The following RBFOX1 variants were observed in gnomAD, a reference collection of about 807,000 sequenced individuals.
RBFOX1 encodes the protein RNA binding fox-1 homolog 1.
In RBFOX1, 8 loss-of-function variants were observed where a neutral mutation model predicts 57.7. The observed-to-expected ratio is 0.14, with a 90% CI of 0.08 to 0.25. RBFOX1 has a LOEUF of 0.25. Among genes scored for constraint, RBFOX1 ranks in the 10% least tolerant of loss-of-function variants. The pLI, the probability that RBFOX1 is intolerant of heterozygous loss-of-function variation, is 1.00. For synonymous variants in RBFOX1, 326 were observed against 222.4 expected (o/e 1.47, Z -4.15); for missense variants, 611 against 548.5 (o/e 1.11, Z -1.14).
chr16:5,655,963 G>T (rs990327164), intron 3 of RBFOX1, among the ~76,000 whole-genome samples: 1 of 152,204 alleles, frequency 6.6e-6, no homozygotes, highest in Admixed American at 6.5e-5. Context: ...GATGGTCACT[G>T]TGTCTGTCTT....
chr16:6,845,591 G>C (rs896989339), intron 3 of RBFOX1, among the ~76,000 whole-genome samples: 3 of 151,928 alleles, frequency 2.0e-5, no homozygotes, highest in African/African-American at 7.2e-5. Context: ...AGCCTTGTAG[G>C]TAATCTTCTT....
chr16:6,537,168 G>A (rs923508133), intron 2 of RBFOX1, among the ~76,000 whole-genome samples: 5 of 152,058 alleles, frequency 3.3e-5, no homozygotes, highest in Non-Finnish European at 2.9e-5. Flanking sequence ...TTCCTACAAT[G>A]CATATTCTGT....
chr16:5,509,572 T>A (rs536570562), intron 2 of RBFOX1, among the ~76,000 whole-genome samples: 5 of 152,120 alleles, frequency 3.3e-5, no homozygotes, highest in Non-Finnish European at 1.5e-5. Flanking sequence ...GTTGTTAGAG[T>A]CTTTGTCTCT....
At chr16:7,313,850 C>A (rs984424202) in intron 4 of RBFOX1, among the ~76,000 whole-genome samples, 1 of 152,078 alleles carries the variant, frequency 6.6e-6, no homozygotes, top group East Asian at 1.9e-4. Context: ...CTGCACCATC[C>A]CTATGTCCTC....
intron 4 of RBFOX1, among the ~76,000 whole-genome samples, chr16:7,218,681 T>TGTGTGTGTGTGTG (rs2092468781): frequency 7.2e-6 from 1 of 138,674 alleles, no homozygotes; most frequent in Non-Finnish European, 1.5e-5. Context: ...TGTGTGTGTG[T>TGTGTGTGTGTGTG]CCTTTTGTTC....
At chr16:5,388,151 T>G (rs1204537799) in intron 1 of RBFOX1, among the ~76,000 whole-genome samples, 1 of 152,224 alleles carries the variant, frequency 6.6e-6, no homozygotes, top group Non-Finnish European at 1.5e-5. Context: ...ATAGTACATT[T>G]GTGTTTTAAG....
chr16:5,638,124 A>C (rs1471910757), intron 3 of RBFOX1, among the ~76,000 whole-genome samples: 2 of 152,242 alleles, frequency 1.3e-5, no homozygotes, highest in Non-Finnish European at 2.9e-5. Context: ...TCATAGATAC[A>C]GTGCTGAGCA....
At chr16:7,610,117 C>CTTTTTTTTTTTTTTTT (rs2057150753) in intron 10 of RBFOX1, among the ~76,000 whole-genome samples, 1 of 47,800 alleles carries the variant, frequency 2.1e-5, no homozygotes, top group African/African-American at 1.0e-4. Flanking sequence ...CGCCCGGCCC[C>CTTTTTTTTTTTTTTTT]CTTTTTTTTT....
intron 14 of RBFOX1, among the ~76,000 whole-genome samples, chr16:7,705,265 G>T (rs916332434): frequency 6.6e-6 from 1 of 152,160 alleles, no homozygotes; most frequent in Non-Finnish European, 1.5e-5. Context: ...CCAGCACTTT[G>T]GGAGGCCGAG....
At chr16:7,352,769 G>T (rs1603627025) in intron 4 of RBFOX1, among the ~76,000 whole-genome samples, 1 of 152,178 alleles carries the variant, frequency 6.6e-6, no homozygotes, top group South Asian at 2.1e-4. Context: ...AAGCTGGAGT[G>T]CAGTGGTGCG....
At chr16:7,266,059 C>G (rs1824264393) in intron 4 of RBFOX1, among the ~76,000 whole-genome samples, 1 of 147,650 alleles carries the variant, frequency 6.8e-6, no homozygotes, top group African/African-American at 2.5e-5. Context: ...ACTGCAAGCT[C>G]CGCCTCCCAG....
chr16:5,607,941 T>C (rs1373382428), intron 3 of RBFOX1, among the ~76,000 whole-genome samples: 2 of 152,210 alleles, frequency 1.3e-5, no homozygotes, highest in Non-Finnish European at 2.9e-5. Flanking sequence ...TGGATGAGCA[T>C]TGGGGTTGTT....
chr16:6,044,269 A>G (rs890002128), intron 1 of RBFOX1, among the ~76,000 whole-genome samples: 1 of 152,164 alleles, frequency 6.6e-6, no homozygotes, highest in Non-Finnish European at 1.5e-5. Flanking sequence ...CCGAATCCTA[A>G]GGTGCTGTGT....
intron 4 of RBFOX1, among the ~76,000 whole-genome samples, chr16:7,258,845 C>T (rs1055967015): frequency 6.6e-6 from 1 of 151,820 alleles, no homozygotes; most frequent in Non-Finnish European, 1.5e-5. Flanking sequence ...AGTAAGAGAC[C>T]CTGATTTAAA....
Position 6,897,567 on chromosome 16 carries a change from G to A in RBFOX1, c.-15-154490G>A, listed in dbSNP as rs1390328465. Reference sequence around the variant, plus strand: ...CCAACACTTTGGGAGTCCAAGGCGGGCGGATCACTTGAGGTCAGGAGTTTG... The same window carrying A: ...CCAACACTTTGGGAGTCCAAGGCGGACGGATCACTTGAGGTCAGGAGTTTG... On this transcript the variant is annotated intron_variant, in intron 3 of 15. Coordinates refer to ENST00000550418, the MANE Select transcript of RBFOX1 (RefSeq NM_018723.4). Among the ~76,000 whole-genome samples, 5 of 152,230 alleles carry A rather than the reference G, an allele frequency of 3.3e-5. No homozygotes were observed. In the East Asian group the frequency reaches 9.6e-4, roughly 29 times the overall value.
At chr16:5,635,799 C>T (rs906791251) in intron 3 of RBFOX1, among the ~76,000 whole-genome samples, 1 of 127,520 alleles carries the variant, frequency 7.8e-6, no homozygotes, top group Non-Finnish European at 1.5e-5. Context: ...TGATTTGTAG[C>T]ACTGGGTTTT....
At position 5,703,874 on chromosome 16, in the gene RBFOX1, C is replaced by T. The variant is rs1451990265; in HGVS notation, c.318+104913C>T. On this transcript the variant is annotated intron_variant, in intron 3 of 19. Coordinates refer to the RBFOX1 transcript ENST00000641259. ...TGTTATAGATGATATGCAGTGTATG[C>T]ATGGCTTACAAAGGTGCTTAGCATA... 2.0e-5 allele frequency among the ~76,000 whole-genome samples: 3 copies of T among 152,130 alleles called. No individual in the cohort carries two copies. In the East Asian group the frequency reaches 5.8e-4, roughly 29 times the overall value.
Position 6,345,384 on chromosome 16 carries a change from C to G in RBFOX1, c.-64+28327C>G, listed in dbSNP as rs140118023. The stretch of plus-strand genomic sequence containing the variant: ...TTTTAATTACATGGAAATTAAGGGG[C>G]AGATGATACAGACATTTCTAGGAAA... On this transcript the variant is annotated intron_variant, in intron 2 of 15. Transcript: ENST00000550418. Among the ~76,000 whole-genome samples, 1,136 of 152,312 alleles carry G rather than the reference C, an allele frequency of 7.5e-3. 9 individuals are homozygous for G. Among genetic ancestry groups the G allele is most frequent in the Non-Finnish European group, 0.01 (700 of 68,032 alleles).
chr16:6,261,192 C>T (rs1041100971), intron 1 of RBFOX1, among the ~76,000 whole-genome samples: 1 of 152,194 alleles, frequency 6.6e-6, no homozygotes. Flanking sequence ...TTGGCTTTCA[C>T]ATTCCCAGTG....
Sources: allele counts gnomAD v4.1 joint callset (sites outside exome capture counted in the v4.1 genomes callset), GRCh38; gene constraint gnomAD v4.1.1; transcripts MANE v1.5; gene names NCBI Gene and HGNC (gene_info 2026-07-23, HGNC 2026-07-21).